WDR25: variants seen among roughly 807,000 people sequenced by gnomAD.
The protein encoded by WDR25 is WD repeat domain 25.
A neutral mutation model predicts 47.7 loss-of-function variants in WDR25; 35 were observed. That is an observed-to-expected ratio of 0.73 (90% confidence interval 0.56 to 0.97). The LOEUF (loss-of-function observed/expected upper bound fraction) is 0.97. Ranked by LOEUF, WDR25 falls within the 50% of genes least tolerant of loss-of-function variation. The pLI is 0.00. For synonymous variants in WDR25, 248 were observed against 278.9 expected, an observed-to-expected ratio of 0.89 and a Z score of 1.10; for missense variants, 634 against 704.7, an observed-to-expected ratio of 0.90 and a Z score of 1.14.
chr14:100,402,831 C>T (rs557409615), intron 2 of WDR25, among the ~76,000 whole-genome samples: 3 of 152,200 alleles, frequency 2.0e-5, no homozygotes, highest in East Asian at 1.9e-4. Flanking sequence ...ACTAACACCT[C>T]GTGACCACCG....
chr14:100,414,189 G>C lies in WDR25; in HGVS notation c.822+32443G>C, dbSNP rs565057265. Among the ~76,000 whole-genome samples, 40 of 152,074 alleles carry C rather than the reference G, an allele frequency of 2.6e-4. No homozygotes were observed. The Middle Eastern group carries it at 0.014, about 52-fold the overall frequency. On this transcript the variant is annotated intron_variant, in intron 2 of 6. Coordinates refer to ENST00000402312, the MANE Select transcript of WDR25 (RefSeq NM_001161476.3). ...ATTTTTGTATTTTTAGTAGAGACGA[G>C]GTCTCACTATGTTGGCCAGGCTCGT...
At chr14:100,463,457 T>G (rs1344709921) in intron 2 of WDR25, among the ~76,000 whole-genome samples, 1 of 152,142 alleles carries the variant, frequency 6.6e-6, no homozygotes, top group African/African-American at 2.4e-5. Context: ...CACTGGCCTC[T>G]TCTTAGACTC....
At chr14:100,520,143 G>A (rs1179186893) in intron 4 of WDR25, among the ~76,000 whole-genome samples, 2 of 149,902 alleles carry the variant, frequency 1.3e-5, no homozygotes, top group African/African-American at 4.9e-5. Context: ...CTTCTGGCCA[G>A]TTTAGCTGGG....
intron 4 of WDR25, among the ~76,000 whole-genome samples, chr14:100,508,050 C>G (rs944007248): frequency 9.2e-5 from 14 of 152,244 alleles, no homozygotes; most frequent in Admixed American, 6.5e-4. Flanking sequence ...CCAAATCCAG[C>G]AGCACATCAA....
chr14:100,436,050 C>T (rs1033804940), intron 2 of WDR25, among the ~76,000 whole-genome samples: 4 of 152,198 alleles, frequency 2.6e-5, no homozygotes, highest in Non-Finnish European at 5.9e-5. Context: ...CCACTGGCCT[C>T]TCCAGCAAGT....
chr14:100,448,495 T>A (rs1356638873), intron 2 of WDR25, among the ~76,000 whole-genome samples: 1 of 152,118 alleles, frequency 6.6e-6, no homozygotes, highest in Non-Finnish European at 1.5e-5. Context: ...GTCATGGGCC[T>A]GCTAACTTGC....
chr14:100,473,889 T>G (rs1899931202), intron 3 of WDR25, among the ~76,000 whole-genome samples: 1 of 152,172 alleles, frequency 6.6e-6, no homozygotes, highest in Non-Finnish European at 1.5e-5. Flanking sequence ...GAGGACTTGA[T>G]TAGGTATCCC....
intron 2 of WDR25, among the ~76,000 whole-genome samples, chr14:100,439,875 A>G (rs1037993302): frequency 1.3e-5 from 2 of 152,234 alleles, no homozygotes; most frequent in African/African-American, 4.8e-5. Flanking sequence ...AGCATGCTGC[A>G]GTGGATGGGA....
intron 4 of WDR25, among the ~76,000 whole-genome samples, chr14:100,514,005 G>C (rs993924812): frequency 6.0e-5 from 9 of 149,876 alleles, no homozygotes; most frequent in African/African-American, 2.2e-4. Context: ...GCGCAATCTC[G>C]GCTCACTGCA....
chr14:100,483,109 G>C (rs1331019729), intron 3 of WDR25, among the ~76,000 whole-genome samples: 1 of 152,198 alleles, frequency 6.6e-6, no homozygotes, highest in East Asian at 1.9e-4. Flanking sequence ...GATGGATGAG[G>C]TGTGGACAGA....
At chr14:100,465,285 C>A (rs1304182150) in intron 2 of WDR25, among the ~76,000 whole-genome samples, 1 of 152,140 alleles carries the variant, frequency 6.6e-6, no homozygotes, top group Non-Finnish European at 1.5e-5. Flanking sequence ...CAGTGTTGTG[C>A]AGTCTGCACC....
At chr14:100,526,176 A>G in intron 5 of WDR25, 136 bp downstream of exon 5, 1 of 1,120,010 alleles carries the variant, frequency 8.9e-7, no homozygotes, top group Non-Finnish European at 1.3e-6. Context: ...GAGGGTAGTC[A>G]GGTCTCAGCC....
chr14:100,480,880 G>T (rs140451786), intron 3 of WDR25: 116 of 275,430 alleles, frequency 4.2e-4, no homozygotes, highest in African/African-American at 2.3e-3. Context: ...GAAAATGTCC[G>T]GGCAGCCCAG....
chr14:100,496,828 CTTTTTTTTT>C (rs1226765543), intron 4 of WDR25, among the ~76,000 whole-genome samples: 4 of 73,422 alleles, frequency 5.4e-5, no homozygotes, highest in African/African-American at 1.5e-4. Context: ...TTCTTTAATT[CTTTTTTTTT>C]TTTTTTTTTT....
At chr14:100,492,003 T>G (rs1481338335) in intron 4 of WDR25, among the ~76,000 whole-genome samples, 2 of 152,216 alleles carry the variant, frequency 1.3e-5, no homozygotes, top group East Asian at 3.8e-4. Flanking sequence ...TTCCTCTAAT[T>G]TCTGCTTCTC....
chr14:100,476,853 G>C (rs1203038621), intron 3 of WDR25, among the ~76,000 whole-genome samples: 1 of 152,172 alleles, frequency 6.6e-6, no homozygotes, highest in Non-Finnish European at 1.5e-5. Flanking sequence ...CCCTGGAGAG[G>C]GGGGCATGAG....
At chr14:100,521,635 A>G (rs2029879962) in intron 4 of WDR25, among the ~76,000 whole-genome samples, 1 of 152,128 alleles carries the variant, frequency 6.6e-6, no homozygotes. Context: ...TTAATGTACT[A>G]GAGTTTATTC....
At position 100,451,859 on chromosome 14, in the gene WDR25, A is replaced by G. The variant is rs185210110; in HGVS notation, c.823-16162A>G. 7.2e-5 allele frequency among the ~76,000 whole-genome samples: 11 copies of G among 152,332 alleles called. No individual in the cohort carries two copies. In the East Asian group the frequency reaches 2.1e-3, roughly 29 times the overall value. On this transcript the variant is annotated intron_variant, in intron 2 of 6. Transcript: ENST00000402312. ...GTCTCTCATGACTAAAGGATACTAT[A>G]CTTAGCATTCTTTTCCACAGCCTAA...
chr14:100,529,825 G>A lies in WDR25; in HGVS notation c.1419G>A (p.Glu473=). ...CACTGTGTCCCTCTCTGCAGGTGGA[G>A]GGCTACTCAGTGGGCTGCGAGTGCT... The part of the protein sequence containing the change: ...RRRRYEGHKV[E]GYSVGCECSP... The change falls in exon 7 of 7, where the codon GAG becomes GAA. Residue 473 remains glutamate, a synonymous_variant. Transcript: ENST00000402312. The surrounding 1 kb of genome is among the most constrained non-coding windows in gnomAD (Gnocchi z 5.1). 3 of 1,611,684 alleles carry A rather than the reference G, an allele frequency of 1.9e-6. No individual in the cohort carries two copies. The highest frequency in any genetic ancestry group is 2.5e-6 in the Non-Finnish European group (3 of 1,179,788).
Sources: allele counts gnomAD v4.1 joint callset (sites outside exome capture counted in the v4.1 genomes callset), GRCh38; gene constraint gnomAD v4.1.1; non-coding constraint Gnocchi (gnomAD v3.1); transcripts MANE v1.5; gene names NCBI Gene and HGNC (gene_info 2026-07-23, HGNC 2026-07-21).